CDC6: variants seen among roughly 807,000 people sequenced by gnomAD.
The protein encoded by CDC6 is cell division cycle 6.
Under a neutral mutation model 60.2 loss-of-function variants are expected in CDC6, and 46 were observed. That is an observed-to-expected ratio of 0.76 (90% confidence interval 0.60 to 0.98). The LOEUF (loss-of-function observed/expected upper bound fraction) is 0.98. Among genes scored for constraint, CDC6 ranks in the 50% least tolerant of loss-of-function variants. The pLI, the probability that CDC6 is intolerant of heterozygous loss-of-function variation, is 0.00. For synonymous variants in CDC6, 210 were observed against 233.2 expected, an observed-to-expected ratio of 0.90 and a Z score of 0.90; for missense variants, 596 against 652.9, an observed-to-expected ratio of 0.91 and a Z score of 0.95.
At position 40,293,624 on chromosome 17, in the gene CDC6, C is replaced by G. The variant is rs2143085189; in HGVS notation, c.829C>G (p.Pro277Ala). ...LEKHMTAEKG[P>A]MIVLVLDEMD... ...AAAACATATGACTGCAGAGAAGGGCCCCATGATGTAAGTATTGTTCTGCTT... is the reference window on the plus strand; with the variant it reads ...AAAACATATGACTGCAGAGAAGGGCGCCATGATGTAAGTATTGTTCTGCTT... Residue 277 changes from proline to alanine, a missense_variant, in exon 5 of 12, where the codon CCC becomes GCC. Pro to Ala is a conservative substitution (Grantham distance 27, BLOSUM62 -1). Coordinates refer to ENST00000209728, the MANE Select transcript of CDC6 (RefSeq NM_001254.4). The G allele has an allele frequency of 6.2e-7, 1 of 1,611,218 alleles. No individual in the cohort carries two copies.
At position 40,301,606 on chromosome 17, in the gene CDC6, A is replaced by G. The variant is rs746864516; in HGVS notation, c.1591A>G (p.Lys531Glu). 6.2e-6 allele frequency: 10 copies of G among 1,613,972 alleles called. No homozygotes were observed. The Admixed American group carries it at 1.0e-4, about 16-fold the overall frequency. ...GAGAAACAAGGAAACCCGTTTGACAAAGGTACAACTGCTTTTTTGTGACAG... is the reference window on the plus strand; with the variant it reads ...GAGAAACAAGGAAACCCGTTTGACAGAGGTACAACTGCTTTTTTGTGACAG... ...LKRNKETRLT[K>E]VFFKIEEKEI... The change falls in exon 11 of 12, where the codon AAG (lysine) becomes GAG (glutamate). Residue 531 changes from lysine to glutamate, a missense_variant and splice_region_variant. Coordinates refer to ENST00000209728, the MANE Select transcript of CDC6 (RefSeq NM_001254.4).
rs1275305949 is a variant in CDC6 at position 40,293,940 on chromosome 17, CT to C, written c.837-5del. 6.2e-7 allele frequency: 1 copy of C among 1,603,392 alleles called. No individual in the cohort carries two copies. Among genetic ancestry groups the C allele is most frequent in the African/African-American group, 1.3e-5 (1 of 74,716 alleles). Reference sequence around the variant, plus strand: ...GTGAATATGGATACTAACTGTTTCTCTTTTTATAGTGTGTTGGTATTGGACG... The same window carrying C: ...GTGAATATGGATACTAACTGTTTCTCTTTTATAGTGTGTTGGTATTGGACG... On this transcript the variant is annotated splice_polypyrimidine_tract_variant and intron_variant, in intron 5 of 11. Transcript: ENST00000209728.
chr17:40,297,690 C>T (rs895899504), intron 9 of CDC6, among the ~76,000 whole-genome samples: 6 of 152,156 alleles, frequency 3.9e-5, no homozygotes, highest in Non-Finnish European at 7.3e-5. Flanking sequence ...ATCACTTGAG[C>T]TGGAGAGGCA....
At chr17:40,289,337 A>G in intron 1 of CDC6, 71 bp from the exon 2 acceptor site, 1 of 1,186,796 alleles carries the variant, frequency 8.4e-7, no homozygotes, top group South Asian at 1.2e-5. Context: ...AGTATAAATA[A>G]ATTCCATGTT....
At chr17:40,291,721 TTTTGTTTG>T in intron 4 of CDC6, 53 bp downstream of exon 4, 4 of 1,522,888 alleles carry the variant, frequency 2.6e-6, no homozygotes, top group Non-Finnish European at 3.6e-6. Flanking sequence ...ACTTGGGTGT[TTTTGTTTG>T]TTTGTTTGTT....
intron 1 of CDC6, 49 bp from the exon 2 acceptor site, chr17:40,289,359 C>T (rs916088233): frequency 5.8e-6 from 8 of 1,368,138 alleles, no homozygotes; most frequent in Admixed American, 3.4e-5. Context: ...GTTATTTTCT[C>T]TTCACTTTCA....
intron 8 of CDC6, 50 bp downstream of exon 8, chr17:40,295,506 ATGCTGTT>A: frequency 2.1e-5 from 26 of 1,221,982 alleles, no homozygotes; most frequent in Non-Finnish European, 2.8e-5. Context: ...AAAAAAAGAA[ATGCTGTT>A]AATTGTCTCA....
At position 40,289,593 on chromosome 17, in the gene CDC6, G is replaced by A. The variant is rs375413098; in HGVS notation, c.173G>A (p.Arg58His). ...VKALPLSPRK[R>H]LGDDNLCNTP... ...GCCCTGCCTCTCAGCCCCAGGAAACGTCTGGGTAAACCATCCATTATATCA... is the reference window on the plus strand; with the variant it reads ...GCCCTGCCTCTCAGCCCCAGGAAACATCTGGGTAAACCATCCATTATATCA... The change falls in exon 2 of 12, where the codon CGT (arginine) becomes CAT (histidine). Residue 58 changes from arginine (R) to histidine (H), a missense_variant. Arg to His is a conservative substitution (Grantham distance 29). Transcript: ENST00000209728. 1.7e-5 allele frequency: 28 copies of A among 1,612,994 alleles called. No homozygotes were observed. The highest frequency in any genetic ancestry group is 2.2e-5 in the South Asian group (2 of 91,066).
At chr17:40,297,289 T>C (rs1451501728) in intron 9 of CDC6, among the ~76,000 whole-genome samples, 1 of 151,964 alleles carries the variant, frequency 6.6e-6, no homozygotes, top group Admixed American at 6.6e-5. Flanking sequence ...ATTTTAAAAA[T>C]TTTGCAGCCA....
rs1396580177 is a variant in CDC6 at position 40,301,926 on chromosome 17, T to C, written c.1608T>C (p.Ile536=). 1.9e-6 allele frequency: 3 copies of C among 1,589,032 alleles called. No individual in the cohort carries two copies. In the Admixed American group the frequency reaches 5.0e-5, roughly 26 times the overall value. The change falls in exon 12 of 12, where the codon ATT becomes ATC. Residue 536 remains isoleucine (I), a synonymous_variant. Transcript: ENST00000209728. ...CTTCTTTCCAGGTGTTTTTCAAGATTGAAGAGAAAGAAATAGAACATGCTC... is the reference window on the plus strand; with the variant it reads ...CTTCTTTCCAGGTGTTTTTCAAGATCGAAGAGAAAGAAATAGAACATGCTC... The part of the protein sequence containing the change: ...ETRLTKVFFK[I]EEKEIEHALK...
Position 40,301,793 on chromosome 17 carries a change from A to G in CDC6, c.1594-119A>G. On this transcript the variant is annotated intron_variant, in intron 11 of 11. Transcript: ENST00000209728. ...ATATTTTTTCAAGCCATTGGAAAAA[A>G]AAGTGTTTAACTTGCTTGCCTTTTG... The G allele has an allele frequency of 4.2e-6, 4 of 946,628 alleles. No individual in the cohort carries two copies. In the South Asian group the frequency reaches 5.4e-5, roughly 13 times the overall value. 58.6% of individuals were successfully genotyped at this position (946,628 alleles called of 1,614,324 possible).
intron 10 of CDC6, among the ~76,000 whole-genome samples, chr17:40,301,233 A>T (rs2032935982): frequency 6.6e-6 from 1 of 152,020 alleles, no homozygotes; most frequent in African/African-American, 2.4e-5. Flanking sequence ...TCCTTTCCCT[A>T]TCCTCCCCTT....
chr17:40,294,331 A>G, intron 6 of CDC6, 33 bp from the exon 7 acceptor site: 2 of 1,527,868 alleles, frequency 1.3e-6, no homozygotes, highest in Non-Finnish European at 1.8e-6. Flanking sequence ...GGATAATTTG[A>G]CCAATGATCA....
chr17:40,291,184 T>G lies in CDC6; in HGVS notation c.305T>G (p.Leu102Arg). 1 of 1,614,204 alleles carries G rather than the reference T, an allele frequency of 6.2e-7. No homozygotes were observed. ...KGRRLVFDNQ[L>R]TIKSPSKREL... is the part of the protein sequence containing the mutation. ...CGAAGATTGGTATTTGACAATCAGC[T>G]GACAATTAAGTCTCCTAGCAAAAGA... Residue 102 changes from leucine to arginine, a missense_variant, in exon 3 of 12, where the codon CTG (leucine) becomes CGG (arginine). Coordinates refer to ENST00000209728, the MANE Select transcript of CDC6 (RefSeq NM_001254.4).
At chr17:40,297,455 A>C (rs2032874542) in intron 9 of CDC6, among the ~76,000 whole-genome samples, 1 of 152,154 alleles carries the variant, frequency 6.6e-6, no homozygotes, top group African/African-American at 2.4e-5. Flanking sequence ...AGGGAGGGGA[A>C]CATCACACAC....
chr17:40,302,527 TA>T lies in CDC6; in HGVS notation c.*528del, dbSNP rs1271228894. On this transcript the variant is annotated 3_prime_UTR_variant, in exon 12 of 12. Coordinates refer to ENST00000209728, the MANE Select transcript of CDC6 (RefSeq NM_001254.4). ...CCACCACCGCGCCCAGCTAATTTTT[TA>T]ATTTTTAGTAGAGACAGGGTTTTAC... is the stretch of plus-strand genomic sequence containing the variant. The T allele has an allele frequency of 6.4e-6, 1 of 156,230 alleles. No homozygotes were observed. Among genetic ancestry groups the T allele is most frequent in the Non-Finnish European group, 1.4e-5 (1 of 70,640 alleles). 9.7% of individuals were successfully genotyped at this position (156,230 alleles called of 1,614,324 possible).
intron 9 of CDC6, 66 bp from the exon 10 acceptor site, chr17:40,300,762 C>A: frequency 8.3e-7 from 1 of 1,211,794 alleles, no homozygotes; most frequent in Non-Finnish European, 1.2e-6. Context: ...TATCATCTGT[C>A]TCATCATACA....
Position 40,293,966 on chromosome 17 carries a change from G to A in CDC6, c.853G>A (p.Glu285Lys), listed in dbSNP as rs1353466345. ...KGPMIVLVLD[E>K]MDQLDSKGQD... ...TTTTTATAGTGTGTTGGTATTGGAC[G>A]AGATGGATCAACTGGACAGCAAAGG... The change falls in exon 6 of 12, where the codon GAG becomes AAG. Residue 285 changes from glutamate (E) to lysine (K), a missense_variant. Coordinates refer to ENST00000209728, the MANE Select transcript of CDC6 (RefSeq NM_001254.4). 5.6e-6 allele frequency: 9 copies of A among 1,613,282 alleles called. No homozygotes were observed. In the African/African-American group the frequency reaches 8.0e-5, roughly 14 times the overall value.
In CDC6 at chr17:40,300,835, A is replaced by G. The variant is rs1340434109; in HGVS notation, c.1257A>G (p.Ser419=). 1 of 1,613,084 alleles carries G rather than the reference A, an allele frequency of 6.2e-7. No individual in the cohort carries two copies. The highest frequency in any genetic ancestry group is 8.5e-7 in the Non-Finnish European group (1 of 1,179,148). Reference sequence around the variant, plus strand: ...GGCTTATTTACTTTATAGGTAAATCACCTTCTGAGCCTCTGATTCCCAAGA... The same window carrying G: ...GGCTTATTTACTTTATAGGTAAATCGCCTTCTGAGCCTCTGATTCCCAAGA... The part of the protein sequence containing the change: ...TILKPLSECK[S]PSEPLIPKRV... Residue 419 remains serine, a synonymous_variant, in exon 10 of 12, where the codon TCA becomes TCG. Coordinates refer to ENST00000209728, the MANE Select transcript of CDC6 (RefSeq NM_001254.4).
Sources: gnomAD v4.1 joint callset for allele counts (sites outside exome capture counted in the v4.1 genomes callset) on GRCh38, gnomAD v4.1.1 for gene constraint, MANE v1.5 for transcripts, NCBI Gene and HGNC (gene_info 2026-07-23, HGNC 2026-07-21) for gene names.